The following GABBR2 variants were observed in gnomAD, a reference collection of about 807,000 sequenced individuals.
GABBR2 encodes the protein gamma-aminobutyric acid type B receptor subunit 2, also known as G-protein coupled receptor 51.
GABBR2 carries 23 observed loss-of-function variants against 105.6 expected under a neutral mutation model. That is an observed-to-expected ratio of 0.22 (90% CI 0.16 to 0.31). The LOEUF (loss-of-function observed/expected upper bound fraction) is 0.31, where lower values mean the gene tolerates loss of function less well. GABBR2 is among the 10% of genes least tolerant of loss of function. The pLI, the probability that GABBR2 is intolerant of heterozygous loss-of-function variation, is 1.00. For missense variants in GABBR2, 734 were observed against 1,245.5 expected (o/e 0.59, Z 6.18); for synonymous variants, 478 against 499.7 (o/e 0.96, Z 0.58).
intron 13 of GABBR2, among the ~76,000 whole-genome samples, chr9:98,316,400 C>T (rs1407016195): frequency 6.6e-6 from 1 of 152,216 alleles, no homozygotes; most frequent in African/African-American, 2.4e-5. Flanking sequence ...GGTCTGCCTG[C>T]CTCAGCCTCC....
At chr9:98,668,883 TTGTGTGTG>T (rs35341252) in intron 1 of GABBR2, among the ~76,000 whole-genome samples, 2,286 of 147,704 alleles carry the variant, frequency 0.015, 62 homozygotes, top group African/African-American at 0.053. Flanking sequence ...ATATTCCATT[TTGTGTGTG>T]TGTGTGTGTG....
At chr9:98,471,208 C>T (rs1017645065) in intron 6 of GABBR2, among the ~76,000 whole-genome samples, 6 of 152,166 alleles carry the variant, frequency 3.9e-5, no homozygotes, top group Middle Eastern at 3.2e-3. Flanking sequence ...GTAAGAAATG[C>T]TTCCTCTTGC....
chr9:98,356,153 T>A (rs1396304554), intron 13 of GABBR2, among the ~76,000 whole-genome samples: 1 of 152,078 alleles, frequency 6.6e-6, no homozygotes, highest in African/African-American at 2.4e-5. Flanking sequence ...TTTTGATACA[T>A]CAAAAGTATG....
rs181525919 is a variant in GABBR2 at position 98,606,915 on chromosome 9, A to G, written c.322-28843T>C. The G allele has an allele frequency of 5.1e-5, 33 of 652,008 alleles. No homozygotes were observed. In the East Asian group the frequency reaches 8.7e-4, roughly 17 times the overall value. 40.4% of individuals were successfully genotyped at this position (652,008 alleles called of 1,614,324 possible). A position where few individuals can be genotyped will look rare whatever the true frequency, so the allele number is the denominator to read the frequency against. On this transcript the variant is annotated intron_variant, in intron 1 of 18. Transcript: ENST00000259455. The stretch of plus-strand genomic sequence containing the variant: ...GATTGATCCACATGAATTCCTAGGC[A>G]TTCAGACCTAAGAATCATCTTCTTC...
chr9:98,633,626 CAAA>C (rs11301472), intron 1 of GABBR2, among the ~76,000 whole-genome samples: 15 of 84,278 alleles, frequency 1.8e-4, no homozygotes, highest in South Asian at 1.1e-3. Context: ...GACTCCATCT[CAAA>C]AAAAAAAAAA....
At chr9:98,652,338 T>C (rs1418562642) in intron 1 of GABBR2, among the ~76,000 whole-genome samples, 2 of 152,150 alleles carry the variant, frequency 1.3e-5, no homozygotes, top group African/African-American at 4.8e-5. Context: ...CTATGGCTCA[T>C]CCATTTACGG....
At position 98,394,190 on chromosome 9, in the gene GABBR2, T is replaced by C. The variant is rs1832245983; in HGVS notation, c.1363A>G (p.Thr455Ala). ...CCTGCCTTACCTTGGAACCTGATGGTGTCATTGATGATCTCCAGTGTGTCG... is the reference window on the plus strand; with the variant it reads ...CCTGCCTTACCTTGGAACCTGATGGCGTCATTGATGATCTCCAGTGTGTCG... ...VADTLEIIND[T>A]IRFQGSEPPK... The change falls in exon 9 of 19, where the codon ACC becomes GCC. Residue 455 changes from threonine to alanine, a missense_variant. Transcript: ENST00000259455. 1 of 1,613,044 alleles carries C rather than the reference T, an allele frequency of 6.2e-7. No homozygotes were observed. The highest frequency in any genetic ancestry group is 8.5e-7 in the Non-Finnish European group (1 of 1,179,090).
intron 1 of GABBR2, among the ~76,000 whole-genome samples, chr9:98,697,985 G>A (rs337547): frequency 0.7 from 106,991 of 152,242 alleles, 38,879 homozygotes; most frequent in Middle Eastern, 0.84. Flanking sequence ...GAAACAAGAC[G>A]ATTTGGATAA....
At chr9:98,477,492 C>T (rs1826817637) in intron 5 of GABBR2, among the ~76,000 whole-genome samples, 1 of 152,186 alleles carries the variant, frequency 6.6e-6, no homozygotes, top group Non-Finnish European at 1.5e-5. Context: ...CCAGCCTTGG[C>T]CTCCCAAAGT....
intron 4 of GABBR2, among the ~76,000 whole-genome samples, chr9:98,485,730 G>C (rs1316742480): frequency 6.6e-6 from 1 of 152,230 alleles, no homozygotes; most frequent in Non-Finnish European, 1.5e-5. Flanking sequence ...AGATTCATGA[G>C]CAAAGCAAGG....
chr9:98,425,307 A>T (rs1832855155), intron 7 of GABBR2, among the ~76,000 whole-genome samples: 1 of 152,198 alleles, frequency 6.6e-6, no homozygotes, highest in African/African-American at 2.4e-5. Context: ...TGATGACTGA[A>T]AGCAACTAAA....
At chr9:98,394,294 T>C in intron 8 of GABBR2, 39 bp from the exon 9 acceptor site, 1 of 1,461,540 alleles carries the variant, frequency 6.8e-7, no homozygotes, top group Admixed American at 1.7e-5. Context: ...TAGACTGGGA[T>C]CTGGGTTTGT....
chr9:98,515,353 A>G (rs1210831079), intron 3 of GABBR2, among the ~76,000 whole-genome samples: 1 of 152,160 alleles, frequency 6.6e-6, no homozygotes, highest in Non-Finnish European at 1.5e-5. Context: ...GAGCAGTGCG[A>G]TCAAATTGTC....
intron 3 of GABBR2, among the ~76,000 whole-genome samples, chr9:98,497,220 T>C (rs1440392613): frequency 6.6e-6 from 1 of 152,148 alleles, no homozygotes; most frequent in Non-Finnish European, 1.5e-5. Context: ...TGAGCCGTGA[T>C]CACGCCACCG....
In GABBR2 at chr9:98,394,292, G is replaced by C. The variant is rs201085199; in HGVS notation, c.1298-37C>G. 3.4e-6 allele frequency: 5 copies of C among 1,486,544 alleles called. No individual in the cohort carries two copies. In the East Asian group the frequency reaches 1.1e-4, roughly 34 times the overall value. 92.1% of individuals were successfully genotyped at this position (1,486,544 alleles called of 1,614,324 possible). ...AAAAGACAGTGGCCAGTTAGACTGG[G>C]ATCTGGGTTTGTGTCTGGGTGCTCC... On this transcript the variant is annotated intron_variant, in intron 8 of 18. Transcript: ENST00000259455.
chr9:98,592,579 C>T (rs74756749), intron 1 of GABBR2, among the ~76,000 whole-genome samples: 4,698 of 152,282 alleles, frequency 0.031, 86 homozygotes, highest in East Asian at 0.055. Context: ...CCCAGGCTAT[C>T]ATACTCCAAA....
intron 1 of GABBR2, among the ~76,000 whole-genome samples, chr9:98,614,120 A>T (rs1330402408): frequency 1.3e-5 from 2 of 152,256 alleles, no homozygotes; most frequent in African/African-American, 4.8e-5. Context: ...TAAGGATATA[A>T]CCACATCAGC....
At chr9:98,364,904 G>C (rs774344) in intron 12 of GABBR2, among the ~76,000 whole-genome samples, 1 of 151,940 alleles carries the variant, frequency 6.6e-6, no homozygotes, top group Admixed American at 6.5e-5. Context: ...CCTGGCTGGG[G>C]CAGTGGATTT....
At chr9:98,496,261 C>T (rs1029548509) in intron 4 of GABBR2, 152 bp downstream of exon 4, 9 of 633,856 alleles carry the variant, frequency 1.4e-5, no homozygotes, top group Admixed American at 2.4e-5. Flanking sequence ...CCAAGGGAAG[C>T]CAATTCCTGG....
Sources: allele counts gnomAD v4.1 joint callset (sites outside exome capture counted in the v4.1 genomes callset), GRCh38; gene constraint gnomAD v4.1.1; transcripts MANE v1.5; gene names NCBI Gene and HGNC (gene_info 2026-07-23, HGNC 2026-07-21).